GNG7: variants seen among roughly 807,000 people sequenced by gnomAD.
GNG7 encodes G protein subunit gamma 7.
GNG7 carries 1 observed loss-of-function variant against 4.0 expected under a neutral mutation model. That is an observed-to-expected ratio of 0.25 (90% CI 0.09 to 1.18). GNG7 has a LOEUF of 1.18. Among genes scored for constraint, GNG7 ranks in the 50% most tolerant of loss-of-function variants. The pLI, the probability that GNG7 is intolerant of heterozygous loss-of-function variation, is 0.50. For missense variants in GNG7, 86 were observed against 91.9 expected, an observed-to-expected ratio of 0.94 and a Z score of 0.26; for synonymous variants, 34 against 36.9, an observed-to-expected ratio of 0.92 and a Z score of 0.29.
chr19:2,625,933 G>A (rs1045956364), intron 2 of GNG7, among the ~76,000 whole-genome samples: 8 of 152,002 alleles, frequency 5.3e-5, no homozygotes, highest in African/African-American at 1.9e-4. Context: ...GATTACAGGC[G>A]CCCACCACCA....
At chr19:2,552,596 G>A (rs1470962835) in intron 3 of GNG7, among the ~76,000 whole-genome samples, 1 of 151,216 alleles carries the variant, frequency 6.6e-6, no homozygotes, top group Non-Finnish European at 1.5e-5. Flanking sequence ...TGTTGGTCAG[G>A]CTAGTCTCGA....
intron 2 of GNG7, among the ~76,000 whole-genome samples, chr19:2,624,098 G>A (rs1002300742): frequency 4.6e-5 from 7 of 152,228 alleles, no homozygotes; most frequent in Middle Eastern, 3.4e-3. Context: ...GATTCAGTCT[G>A]GGAAGATGGA....
In GNG7 at chr19:2,576,964, G is replaced by A. The variant is rs551539319; in HGVS notation, c.-77-21776C>T. The stretch of plus-strand genomic sequence containing the variant: ...CTCCCAAAGTGCCGGGATTACAGGC[G>A]TGGGCCTCTGTGCCCGGCCTGAATT... On this transcript the variant is annotated intron_variant, in intron 2 of 4. Transcript: ENST00000382159. 7.2e-4 allele frequency among the ~76,000 whole-genome samples: 110 copies of A among 152,376 alleles called. 1 individual carries two copies. The highest frequency in any genetic ancestry group is 1.1e-3 in the Non-Finnish European group (74 of 68,042).
At position 2,633,888 on chromosome 19, in the gene GNG7, C is replaced by T. The variant is rs1215996627; in HGVS notation, c.-78+12336G>A. ...GGCACTGCAGGGTGCTGAGTGGCAC[C>T]CCTGACCTCCACCCCATGGCATCCA... On this transcript the variant is annotated intron_variant, in intron 2 of 4. Transcript: ENST00000382159. The surrounding 1 kb of genome is among the most constrained non-coding windows in gnomAD (Gnocchi z 5.9). 6.6e-6 allele frequency among the ~76,000 whole-genome samples: 1 copy of T among 152,024 alleles called. No individual in the cohort carries two copies. Among genetic ancestry groups the T allele is most frequent in the Non-Finnish European group, 1.5e-5 (1 of 67,972 alleles).
intron 2 of GNG7, among the ~76,000 whole-genome samples, chr19:2,640,143 G>A (rs1982467082): frequency 7.6e-6 from 1 of 131,626 alleles, no homozygotes; most frequent in South Asian, 2.9e-4. Flanking sequence ...GAGGAGGGAG[G>A]GAAGGAAGCG....
intron 4 of GNG7, among the ~76,000 whole-genome samples, chr19:2,515,433 CT>C (rs57325291): frequency 0.86 from 126,704 of 147,856 alleles, 54,415 homozygotes; most frequent in East Asian, 1. Flanking sequence ...CCATTTCTTT[CT>C]TTTTTTTTTT....
At position 2,617,582 on chromosome 19, in the gene GNG7, C is replaced by A. The variant is rs1981754608; in HGVS notation, c.-78+28642G>T. On this transcript the variant is annotated intron_variant, in intron 2 of 4. Coordinates refer to ENST00000382159, the MANE Select transcript of GNG7 (RefSeq NM_052847.3). The surrounding 1 kb of genome is among the most constrained non-coding windows in gnomAD (Gnocchi z 4.7). ...CTTCCAGGGAGCCCTCCGGAATGTC[C>A]TTCCTCCTGCCTTCAATGCTCCTCC... 6.6e-6 allele frequency among the ~76,000 whole-genome samples: 1 copy of A among 152,158 alleles called. No homozygotes were observed. The highest frequency in any genetic ancestry group is 1.5e-5 in the Non-Finnish European group (1 of 68,006).
At position 2,643,791 on chromosome 19, in the gene GNG7, T is replaced by C. The variant is rs1982585444; in HGVS notation, c.-78+2433A>G. 1.9e-5 allele frequency: 7 copies of C among 377,718 alleles called. 1 individual carries two copies. The highest frequency in any genetic ancestry group is 1.4e-4 in the South Asian group (7 of 50,664). 23.4% of individuals were successfully genotyped at this position (377,718 alleles called of 1,614,324 possible). ...GGTTCTAAGGGTTGCCATTCATTTC[T>C]ACAGCTATGCAACCATCAGCATAAT... On this transcript the variant is annotated intron_variant, in intron 2 of 4. Transcript: ENST00000382159.
At chr19:2,659,296 G>A (rs62119820) in intron 1 of GNG7, among the ~76,000 whole-genome samples, 74,565 of 148,866 alleles carry the variant, frequency 0.5, 19,351 homozygotes, top group African/African-American at 0.64. Context: ...AAGGAGAGGA[G>A]GGCCGGGCGC....
intron 2 of GNG7, among the ~76,000 whole-genome samples, chr19:2,570,609 T>C (rs1369288891): frequency 2.0e-5 from 3 of 151,938 alleles, no homozygotes; most frequent in Non-Finnish European, 4.4e-5. Context: ...CGCAGCCCCA[T>C]AATGGGCCCC....
intron 3 of GNG7, among the ~76,000 whole-genome samples, chr19:2,548,152 G>A (rs1979188312): frequency 1.3e-5 from 2 of 151,888 alleles, no homozygotes; most frequent in Non-Finnish European, 2.9e-5. Flanking sequence ...GGATCATTAC[G>A]GATGTTTTCA....
intron 2 of GNG7, among the ~76,000 whole-genome samples, chr19:2,562,010 G>C (rs1047776194): frequency 2.0e-5 from 3 of 151,842 alleles, no homozygotes; most frequent in African/African-American, 7.3e-5. Flanking sequence ...TCTGAGCTTC[G>C]CAGGCTCTTC....
At chr19:2,644,613 A>G (rs1352161877) in intron 2 of GNG7, among the ~76,000 whole-genome samples, 1 of 151,988 alleles carries the variant, frequency 6.6e-6, no homozygotes, top group African/African-American at 2.4e-5. Context: ...GAAGAAACCC[A>G]TCAACCATCA....
chr19:2,653,762 G>A lies in GNG7; in HGVS notation c.-134-7482C>T, dbSNP rs1188041001. ...GCCTCCCCTGTCCTCATCCTTATGGGATCTTCAGATGGTGCCCTTGAGGCC... is the reference window on the plus strand; with the variant it reads ...GCCTCCCCTGTCCTCATCCTTATGGAATCTTCAGATGGTGCCCTTGAGGCC... On this transcript the variant is annotated intron_variant, in intron 1 of 4. Coordinates refer to ENST00000382159, the MANE Select transcript of GNG7 (RefSeq NM_052847.3). The surrounding 1 kb of genome is among the most constrained non-coding windows in gnomAD (Gnocchi z 4.8). Among the ~76,000 whole-genome samples the A allele has an allele frequency of 2.0e-5, 3 of 152,116 alleles. No homozygotes were observed. The highest frequency in any genetic ancestry group is 4.4e-5 in the Non-Finnish European group (3 of 68,012).
intron 1 of GNG7, among the ~76,000 whole-genome samples, chr19:2,658,919 G>A (rs563194205): frequency 6.6e-6 from 1 of 152,148 alleles, no homozygotes; most frequent in African/African-American, 2.4e-5. Flanking sequence ...TCTATTAAAA[G>A]GGGGACTTGA....
At position 2,546,115 on chromosome 19, in the gene GNG7, G is replaced by T. The variant is rs1381032777; in HGVS notation, c.-38+9034C>A. ...ATGCAGGCCCCCCACGGCCTGCCAT[G>T]TTCTCACCAGGACGCCAAAGAGGGG... On this transcript the variant is annotated intron_variant, in intron 3 of 4. Transcript: ENST00000382159. The surrounding 1 kb of genome is among the most constrained non-coding windows in gnomAD (Gnocchi z 6.3). 6.6e-6 allele frequency among the ~76,000 whole-genome samples: 1 copy of T among 152,228 alleles called. No homozygotes were observed. The highest frequency in any genetic ancestry group is 1.5e-5 in the Non-Finnish European group (1 of 68,036).
At chr19:2,597,275 AAAAC>A (rs1430857389) in intron 2 of GNG7, among the ~76,000 whole-genome samples, 1 of 152,072 alleles carries the variant, frequency 6.6e-6, no homozygotes, top group Non-Finnish European at 1.5e-5. Context: ...CTCTAAGATA[AAAAC>A]AAACAAAAAC....
At chr19:2,558,062 T>C (rs1473143971) in intron 2 of GNG7, among the ~76,000 whole-genome samples, 1 of 151,944 alleles carries the variant, frequency 6.6e-6, no homozygotes, top group Non-Finnish European at 1.5e-5. Flanking sequence ...AGGATGGCCT[T>C]GATCTCCTGA....
At position 2,512,076 on chromosome 19, in the gene GNG7, C is replaced by T. The variant is rs1452046564; in HGVS notation, c.*2946G>A. On this transcript the variant is annotated 3_prime_UTR_variant, in exon 5 of 5. Coordinates refer to ENST00000382159, the MANE Select transcript of GNG7 (RefSeq NM_052847.3). The surrounding 1 kb of genome is among the most constrained non-coding windows in gnomAD (Gnocchi z 4.7). Reference sequence around the variant, plus strand: ...CCTTCTCTCTCCCACCCGACGCTGCCTTGTGTGTGTGCGTGGGTGGGGGTG... The same window carrying T: ...CCTTCTCTCTCCCACCCGACGCTGCTTTGTGTGTGTGCGTGGGTGGGGGTG... The T allele has an allele frequency of 1.0e-6, 1 of 985,826 alleles. No homozygotes were observed. Among genetic ancestry groups the T allele is most frequent in the African/African-American group, 1.7e-5 (1 of 57,240 alleles). 61.1% of individuals were successfully genotyped at this position (985,826 alleles called of 1,614,324 possible). A position where few individuals can be genotyped will look rare whatever the true frequency, so the allele number is the denominator to read the frequency against.
Sources: allele counts gnomAD v4.1 joint callset (sites outside exome capture counted in the v4.1 genomes callset), GRCh38; gene constraint gnomAD v4.1.1; non-coding constraint Gnocchi (gnomAD v3.1); transcripts MANE v1.5; gene names NCBI Gene and HGNC (gene_info 2026-07-23, HGNC 2026-07-21).